The following LAMB4 variants were observed in gnomAD, a reference collection of about 807,000 sequenced individuals.
LAMB4 encodes the protein laminin subunit beta 4, also known as laminin subunit beta-4.
LAMB4 carries 196 observed loss-of-function variants against 199.2 expected under a neutral mutation model. The ratio of observed to expected loss-of-function variants is 0.98; its 90% CI spans 0.88 to 1.11. The LOEUF (loss-of-function observed/expected upper bound fraction) is 1.11. Ranked by LOEUF, LAMB4 falls within the 50% of genes least tolerant of loss-of-function variation. The pLI is 0.00. For synonymous variants in LAMB4, 744 were observed against 770.6 expected, an observed-to-expected ratio of 0.97 and a Z score of 0.57; for missense variants, 2,080 against 2,171.2, an observed-to-expected ratio of 0.96 and a Z score of 0.83.
chr7:108,034,069 A>C (rs1227489765), intron 31 of LAMB4, 139 bp downstream of exon 31: 2 of 854,508 alleles, frequency 2.3e-6, no homozygotes, highest in African/African-American at 3.4e-5. Context: ...TACATGCATA[A>C]TACTACCCAA....
At chr7:108,096,293 A>G (rs1280788951) in intron 11 of LAMB4, among the ~76,000 whole-genome samples, 1 of 152,136 alleles carries the variant, frequency 6.6e-6, no homozygotes. Flanking sequence ...TACTTTGCAT[A>G]ATGTTCTTAA....
In LAMB4 at chr7:108,030,973, T is replaced by C. The variant is rs773372687; in HGVS notation, c.4825A>G (p.Asn1609Asp). 1 of 1,612,418 alleles carries C rather than the reference T, an allele frequency of 6.2e-7. No homozygotes were observed. The highest frequency in any genetic ancestry group is 8.5e-7 in the Non-Finnish European group (1 of 1,179,302). The change falls in exon 32 of 34, where the codon AAT becomes GAT. Residue 1609 changes from asparagine (N) to aspartate (D), a missense_variant. Physicochemically the swap from Asn to Asp is conservative, Grantham distance 23 (BLOSUM62 1). Transcript: ENST00000388781. ...KIKKNVLQAE[N>D]QTREMKSELE... ...TCACTCTTCATTTCCCTGGTTTGAT[T>C]TTCAGCCTGTTGTTGATTTAAAGAC...
chr7:108,055,251 A>G (rs1043713830), intron 25 of LAMB4, among the ~76,000 whole-genome samples: 1 of 150,660 alleles, frequency 6.6e-6, no homozygotes, highest in Non-Finnish European at 1.5e-5. Flanking sequence ...CAATGGCATG[A>G]TCTTGGGTCA....
chr7:108,059,852 CT>C (rs2036104546), intron 23 of LAMB4, among the ~76,000 whole-genome samples: 1 of 152,234 alleles, frequency 6.6e-6, no homozygotes, highest in South Asian at 2.1e-4. Flanking sequence ...AACATTTCAT[CT>C]CCTTGTTTCC....
intron 2 of LAMB4, among the ~76,000 whole-genome samples, chr7:108,117,527 C>T (rs554175384): frequency 6.6e-6 from 1 of 152,130 alleles, no homozygotes; most frequent in African/African-American, 2.4e-5. Flanking sequence ...TAATGAGTGT[C>T]TACTGTATTT....
In LAMB4 at chr7:108,104,481, G is replaced by A. The variant is rs763286867; in HGVS notation, c.991+18C>T. On this transcript the variant is annotated intron_variant, in intron 9 of 33. Transcript: ENST00000388781. ...GCAGAGCACACTCAGTCTATGCAGGGAACTGAGTTTCACCCACATCTGCAA... is the reference window on the plus strand; with the variant it reads ...GCAGAGCACACTCAGTCTATGCAGGAAACTGAGTTTCACCCACATCTGCAA... 177 of 1,613,722 alleles carry A rather than the reference G, an allele frequency of 1.1e-4. No homozygotes were observed. The highest frequency in any genetic ancestry group is 1.4e-4 in the Non-Finnish European group (168 of 1,179,808).
rs941616887 is a variant in LAMB4, at chr7:108,111,524, A to T, written c.328+287T>A. ...CTTCATAAACTTTCTTCTTATTATTATTTTTTTACAAAGAACAAAAGGATG... is the reference window on the plus strand; with the variant it reads ...CTTCATAAACTTTCTTCTTATTATTTTTTTTTTACAAAGAACAAAAGGATG... On this transcript the variant is annotated intron_variant, in intron 4 of 33. Coordinates refer to ENST00000388781, the MANE Select transcript of LAMB4 (RefSeq NM_007356.3). 1.1e-4 allele frequency among the ~76,000 whole-genome samples: 16 copies of T among 152,118 alleles called. No homozygotes were observed. The East Asian group carries it at 2.9e-3, about 27-fold the overall frequency.
At chr7:108,032,683 T>C (rs1246646336) in intron 31 of LAMB4, among the ~76,000 whole-genome samples, 1 of 147,220 alleles carries the variant, frequency 6.8e-6, no homozygotes. Flanking sequence ...TTCTACTGAC[T>C]CTGTGTGTTT....
At chr7:108,064,160 T>A (rs1403391221) in intron 21 of LAMB4, among the ~76,000 whole-genome samples, 175 bp from the exon 22 acceptor site, 1 of 152,226 alleles carries the variant, frequency 6.6e-6, no homozygotes, top group Non-Finnish European at 1.5e-5. Context: ...ATTTTCATTA[T>A]TATTCATTTA....
intron 30 of LAMB4, among the ~76,000 whole-genome samples, chr7:108,036,418 C>T (rs183484446): frequency 2.0e-5 from 3 of 152,104 alleles, no homozygotes; most frequent in Non-Finnish European, 2.9e-5. Flanking sequence ...GAATTCCTGA[C>T]CGCAGGTGAT....
chr7:108,089,299 A>G (rs549333026), intron 14 of LAMB4, among the ~76,000 whole-genome samples: 64 of 152,264 alleles, frequency 4.2e-4, no homozygotes, highest in Admixed American at 8.5e-4. Context: ...ATGCCCAAAA[A>G]ATAAAGTTTA....
chr7:108,066,053 A>C (rs566543749), intron 20 of LAMB4, 134 bp from the exon 21 acceptor site: 1 of 910,298 alleles, frequency 1.1e-6, no homozygotes, highest in African/African-American at 1.8e-5. Context: ...TTGCTCTGCA[A>C]AACGACTTTT....
At chr7:108,056,485 G>A (rs919051927) in intron 24 of LAMB4, among the ~76,000 whole-genome samples, 5 of 152,142 alleles carry the variant, frequency 3.3e-5, no homozygotes, top group African/African-American at 1.2e-4. Context: ...CCAAAAAGGA[G>A]GGGAAATTAA....
chr7:108,023,323 G>A (rs1226393321), downstream of LAMB4, among the ~76,000 whole-genome samples: 1 of 152,118 alleles, frequency 6.6e-6, no homozygotes, highest in Non-Finnish European at 1.5e-5. Context: ...TATGAAATCA[G>A]ACTCATTTTG....
intron 1 of LAMB4, among the ~76,000 whole-genome samples, chr7:108,129,813 G>A (rs892399646): frequency 6.6e-6 from 1 of 152,246 alleles, no homozygotes; most frequent in Non-Finnish European, 1.5e-5. Flanking sequence ...ACAGGCATGA[G>A]CCACCATGCC....
chr7:108,054,927 G>C (rs149074390), intron 25 of LAMB4, among the ~76,000 whole-genome samples: 1 of 152,114 alleles, frequency 6.6e-6, no homozygotes. Flanking sequence ...ACCATACTTG[G>C]TATAAGACTT....
At chr7:108,021,817 A>T (rs993515029), downstream of LAMB4, among the ~76,000 whole-genome samples, 14 of 152,224 alleles carry the variant, frequency 9.2e-5, no homozygotes, top group African/African-American at 3.4e-4. Flanking sequence ...AATTTTTTTG[A>T]TACCTGGCAT....
At chr7:108,038,327 T>A (rs1391819345) in intron 29 of LAMB4, among the ~76,000 whole-genome samples, 1 of 151,682 alleles carries the variant, frequency 6.6e-6, no homozygotes. Flanking sequence ...GCCCAGCTAA[T>A]TTTTTTTGTA....
At chr7:108,113,335 G>C (rs2038297331) in intron 3 of LAMB4, among the ~76,000 whole-genome samples, 1 of 152,202 alleles carries the variant, frequency 6.6e-6, no homozygotes, top group African/African-American at 2.4e-5. Context: ...ACCTAGAATA[G>C]TGTGTGGTAC....
Sources: allele counts gnomAD v4.1 joint callset (sites outside exome capture counted in the v4.1 genomes callset), GRCh38; gene constraint gnomAD v4.1.1; transcripts MANE v1.5; gene names NCBI Gene and HGNC (gene_info 2026-07-23, HGNC 2026-07-21).